The following TOP1 variants were observed in gnomAD, a reference collection of about 807,000 sequenced individuals.
The protein encoded by TOP1 is DNA topoisomerase I.
TOP1 carries 10 observed loss-of-function variants against 111.1 expected under a neutral mutation model. That is an observed-to-expected ratio of 0.09 (90% confidence interval 0.06 to 0.15). TOP1 has a LOEUF of 0.15. Among genes scored for constraint, TOP1 ranks in the 10% least tolerant of loss-of-function variants. The pLI is 1.00. For synonymous variants in TOP1, 271 were observed against 302.9 expected, an observed-to-expected ratio of 0.89 and a Z score of 1.10; for missense variants, 474 against 926.7, an observed-to-expected ratio of 0.51 and a Z score of 6.34.
At chr20:41,049,346 C>G (rs1392359650) in intron 2 of TOP1, among the ~76,000 whole-genome samples, 1 of 152,206 alleles carries the variant, frequency 6.6e-6, no homozygotes, top group Non-Finnish European at 1.5e-5. Flanking sequence ...GGTCTTTGAG[C>G]AACTCTGAGT....
rs1220670270 is a variant in TOP1, at chr20:41,116,704, G to C, written c.1822+312G>C. ...AAGCCCACAGAGTGAAGACAGTGCTGTGATGTTCTGTTAAATTGGAGAGAG... is the reference window on the plus strand; with the variant it reads ...AAGCCCACAGAGTGAAGACAGTGCTCTGATGTTCTGTTAAATTGGAGAGAG... On this transcript the variant is annotated intron_variant, in intron 17 of 20. Transcript: ENST00000361337. The surrounding 1 kb of genome is among the most constrained non-coding windows in gnomAD (Gnocchi z 5.6). Among the ~76,000 whole-genome samples the C allele has an allele frequency of 6.6e-6, 1 of 152,192 alleles. No homozygotes were observed. Among genetic ancestry groups the C allele is most frequent in the African/African-American group, 2.4e-5 (1 of 41,440 alleles).
intron 14 of TOP1, among the ~76,000 whole-genome samples, chr20:41,113,660 G>A (rs2034278293): frequency 6.7e-6 from 1 of 149,268 alleles, no homozygotes; most frequent in East Asian, 2.0e-4. Flanking sequence ...GGTGGAACAC[G>A]AGGTCAAGAG....
intron 2 of TOP1, among the ~76,000 whole-genome samples, chr20:41,043,272 T>TA (rs2033290732): frequency 6.6e-6 from 1 of 152,214 alleles, no homozygotes; most frequent in Non-Finnish European, 1.5e-5. Flanking sequence ...TAGAGCAAGA[T>TA]ACCAGTTTTG....
chr20:41,122,018 A>G lies in TOP1; in HGVS notation c.2058A>G (p.Ser686=), dbSNP rs1441678203. The change falls in exon 20 of 21, where the codon TCA becomes TCG. Residue 686 remains serine, a synonymous_variant. Transcript: ENST00000361337. This position sits in a 1 kb window ranked among gnomAD's most constrained non-coding sequence, Gnocchi z 5.4. Reference sequence around the variant, plus strand: ...GCTATTCTTCTAGGGTAGTAGAGTCAAAGAAGAAGGCTGTTCAGAGACTGG... The same window carrying G: ...GCTATTCTTCTAGGGTAGTAGAGTCGAAGAAGAAGGCTGTTCAGAGACTGG... The part of the protein sequence containing the change: ...KDAKTKKVVE[S]KKKAVQRLEE... The G allele has an allele frequency of 6.2e-7, 1 of 1,614,020 alleles. No homozygotes were observed. Among genetic ancestry groups the G allele is most frequent in the South Asian group, 1.1e-5 (1 of 91,076 alleles).
At chr20:41,040,332 G>T (rs766131553) in intron 2 of TOP1, among the ~76,000 whole-genome samples, 56 of 152,356 alleles carry the variant, frequency 3.7e-4, no homozygotes, top group Non-Finnish European at 6.5e-4. Flanking sequence ...TAATCATACA[G>T]TCAGTGCATT....
chr20:41,057,585 G>GA (rs1415142519), intron 2 of TOP1, among the ~76,000 whole-genome samples: 4 of 152,032 alleles, frequency 2.6e-5, no homozygotes, highest in Non-Finnish European at 4.4e-5. Context: ...TAATTGTGGG[G>GA]AAAACTAGAA....
In TOP1 at chr20:41,123,091, C is replaced by T; in HGVS notation, c.2196-104C>T. The T allele has an allele frequency of 1.4e-6, 1 of 736,920 alleles. No individual in the cohort carries two copies. Among genetic ancestry groups the T allele is most frequent in the Non-Finnish European group, 2.4e-6 (1 of 420,404 alleles). The allele number at this position is 736,920 out of a possible 1,614,324, so 45.6% of individuals were successfully genotyped here. On this transcript the variant is annotated intron_variant, in intron 20 of 20. Transcript: ENST00000361337. The surrounding 1 kb of genome is among the most constrained non-coding windows in gnomAD (Gnocchi z 5.8). ...GGTGCACTATTAATTTGCATCCTCA[C>T]TAGACAGATGTGAAAGAGAAGATGG...
chr20:41,043,081 A>G (rs1456242581), intron 2 of TOP1, among the ~76,000 whole-genome samples: 1 of 152,180 alleles, frequency 6.6e-6, no homozygotes, highest in East Asian at 1.9e-4. Context: ...TGTGGTTCTC[A>G]ATGTGTGGTT....
intron 3 of TOP1, among the ~76,000 whole-genome samples, chr20:41,062,835 T>C (rs1008066632): frequency 1.2e-4 from 18 of 152,234 alleles, no homozygotes; most frequent in African/African-American, 4.3e-4. Flanking sequence ...TATGGAAGAC[T>C]TGAACAGTAT....
rs934142089 is a variant in TOP1, at chr20:41,029,962, C to T, written c.58+507C>T. Among the ~76,000 whole-genome samples, 3 of 152,080 alleles carry T rather than the reference C, an allele frequency of 2.0e-5. No homozygotes were observed. Among genetic ancestry groups the T allele is most frequent in the African/African-American group, 4.8e-5 (2 of 41,398 alleles). ...TTAAACTTTATTTTGGGGGTTATTC[C>T]CTTTATGCTTCATGTTTGTTTCCTT... On this transcript the variant is annotated intron_variant, in intron 2 of 20. Coordinates refer to ENST00000361337, the MANE Select transcript of TOP1 (RefSeq NM_003286.4). The surrounding 1 kb of genome is among the most constrained non-coding windows in gnomAD (Gnocchi z 6.1).
Position 41,029,103 on chromosome 20 carries a change from ACGGC to A in TOP1, c.33+5_33+8del. ...ACCACCTCCACAACGATTCCCAGGT[ACGGC>A]CCGGCCTGACCCTGGCGGCCCCGGA... On this transcript the variant is annotated splice_donor_5th_base_variant and intron_variant, in intron 1 of 20. Transcript: ENST00000361337. This position sits in a 1 kb window ranked among gnomAD's most constrained non-coding sequence, Gnocchi z 6.1. 6.6e-7 allele frequency: 1 copy of A among 1,525,278 alleles called. No homozygotes were observed. Among genetic ancestry groups the A allele is most frequent in the Non-Finnish European group, 8.8e-7 (1 of 1,139,170 alleles). 94.5% of individuals were successfully genotyped at this position (1,525,278 alleles called of 1,614,324 possible). A position where few individuals can be genotyped will look rare whatever the true frequency, so the allele number is the denominator to read the frequency against.
At position 41,114,451 on chromosome 20, in the gene TOP1, G is replaced by A. The variant is rs920434038; in HGVS notation, c.1638+296G>A. Among the ~76,000 whole-genome samples the A allele has an allele frequency of 6.6e-6, 1 of 152,200 alleles. No individual in the cohort carries two copies. Among genetic ancestry groups the A allele is most frequent in the African/African-American group, 2.4e-5 (1 of 41,450 alleles). On this transcript the variant is annotated intron_variant, in intron 15 of 20. Transcript: ENST00000361337. The surrounding 1 kb of genome is among the most constrained non-coding windows in gnomAD (Gnocchi z 4.5). ...CATATTAAAATAAATAAAAATAAAT[G>A]ACTTGAAAGAGGGGAGAGGTATTAT...
chr20:41,059,453 TAAATAA>T (rs1777625319), intron 2 of TOP1, among the ~76,000 whole-genome samples: 5 of 145,134 alleles, frequency 3.4e-5, no homozygotes, highest in African/African-American at 1.3e-4. Flanking sequence ...AATAAATAAA[TAAATAA>T]GGTGGTGGTG....
intron 2 of TOP1, among the ~76,000 whole-genome samples, chr20:41,059,645 G>A (rs940788096): frequency 3.3e-5 from 5 of 151,918 alleles, no homozygotes; most frequent in South Asian, 2.1e-4. Flanking sequence ...AGTAGGCAAC[G>A]ATATCTTGGG....
At position 41,058,705 on chromosome 20, in the gene TOP1, A is replaced by AG. The variant is rs2033504917; in HGVS notation, c.59-2685dup. Among the ~76,000 whole-genome samples, 1 of 152,110 alleles carries AG rather than the reference A, an allele frequency of 6.6e-6. No homozygotes were observed. Among genetic ancestry groups the AG allele is most frequent in the Non-Finnish European group, 1.5e-5 (1 of 68,014 alleles). ...CAGTGTCCAGCCCACACTCAAGGGG[A>AG]GGGGAATTAGGCTATACCTCTTGAA... On this transcript the variant is annotated intron_variant, in intron 2 of 20. Transcript: ENST00000361337. This position sits in a 1 kb window ranked among gnomAD's most constrained non-coding sequence, Gnocchi z 4.2.
At chr20:41,052,735 A>T (rs2033420700) in intron 2 of TOP1, among the ~76,000 whole-genome samples, 1 of 152,214 alleles carries the variant, frequency 6.6e-6, no homozygotes, top group African/African-American at 2.4e-5. Flanking sequence ...TCACTCCTGT[A>T]ATCCCAGCAC....
chr20:41,029,385 G>T lies in TOP1; in HGVS notation c.34-46G>T. 6.9e-7 allele frequency: 1 copy of T among 1,448,718 alleles called. No individual in the cohort carries two copies. Among genetic ancestry groups the T allele is most frequent in the Non-Finnish European group, 9.1e-7 (1 of 1,096,634 alleles). The allele number at this position is 1,448,718 out of a possible 1,614,324, so 89.7% of individuals were successfully genotyped here. A position where few individuals can be genotyped will look rare whatever the true frequency, so the allele number is the denominator to read the frequency against. On this transcript the variant is annotated intron_variant, in intron 1 of 20. Transcript: ENST00000361337. This position sits in a 1 kb window ranked among gnomAD's most constrained non-coding sequence, Gnocchi z 6.1. Reference sequence around the variant, plus strand: ...GGCCGCGCGCGCTCGCCGCCGGAGGGGTTAAAGTGGCTGTTGTTTGATATT... The same window carrying T: ...GGCCGCGCGCGCTCGCCGCCGGAGGTGTTAAAGTGGCTGTTGTTTGATATT...
chr20:41,041,909 T>TGATGATG (rs547289483), intron 2 of TOP1, among the ~76,000 whole-genome samples: 20 of 141,328 alleles, frequency 1.4e-4, no homozygotes, highest in Non-Finnish European at 2.3e-4. Flanking sequence ...TGATGATGAT[T>TGATGATG]ATTATTATTA....
At chr20:41,040,747 A>G (rs955822819) in intron 2 of TOP1, among the ~76,000 whole-genome samples, 1 of 151,154 alleles carries the variant, frequency 6.6e-6, no homozygotes, top group African/African-American at 2.4e-5. Context: ...CAGAGGTTGC[A>G]ATGAGCCGAG....
Sources: allele counts gnomAD v4.1 joint callset (sites outside exome capture counted in the v4.1 genomes callset), GRCh38; gene constraint gnomAD v4.1.1; non-coding constraint Gnocchi (gnomAD v3.1); transcripts MANE v1.5; gene names NCBI Gene and HGNC (gene_info 2026-07-23, HGNC 2026-07-21).